NTRK1: variants seen among roughly 807,000 people sequenced by gnomAD.
The protein encoded by NTRK1 is high affinity nerve growth factor receptor.
NTRK1 carries 62 observed loss-of-function variants against 86.8 expected under a neutral mutation model. The ratio of observed to expected loss-of-function variants is 0.71; its 90% CI spans 0.58 to 0.88. The LOEUF (loss-of-function observed/expected upper bound fraction) is 0.88, where lower values mean the gene tolerates loss of function less well. Ranked by LOEUF, NTRK1 falls within the 40% of genes least tolerant of loss-of-function variation. NTRK1 has a pLI of 0.00. For synonymous variants in NTRK1, 469 were observed against 456.6 expected (o/e 1.03, Z -0.35); for missense variants, 967 against 1,078.4 (o/e 0.90, Z 1.45).
At position 156,876,538 on chromosome 1, in the gene NTRK1, T is replaced by A. The variant is rs1395241395; in HGVS notation, c.1771T>A (p.Tyr591Asn). The change falls in exon 14 of 17, where the codon TAT becomes AAT. Residue 591 changes from tyrosine to asparagine, a missense_variant. Tyr to Asn is a moderately radical substitution (Grantham distance 143). Coordinates refer to ENST00000524377, the MANE Select transcript of NTRK1 (RefSeq NM_002529.4). ...CCGCCCCCTGCTCATGGTCTTTGAG[T>A]ATATGCGGCACGGGGACCTCAACCG... ...EGRPLLMVFE[Y>N]MRHGDLNRFL... 2 of 1,613,260 alleles carry A rather than the reference T, an allele frequency of 1.2e-6. No homozygotes were observed. Among genetic ancestry groups the A allele is most frequent in the Non-Finnish European group, 1.7e-6 (2 of 1,179,946 alleles).
intron 2 of NTRK1, chr1:156,843,568 G>T: frequency 7.3e-7 from 1 of 1,368,796 alleles, no homozygotes; most frequent in South Asian, 1.2e-5. Context: ...ATTTCAAGGA[G>T]GAGGGAAGTT....
In NTRK1 at chr1:156,866,322, C is replaced by T. The variant is rs562582035; in HGVS notation, c.360-588C>T. Reference sequence around the variant, plus strand: ...ATCATTTTCCTGTGTGGCCTGGAGCCGGGCCCCTGCTGGGCTCACTTTTTC... The same window carrying T: ...ATCATTTTCCTGTGTGGCCTGGAGCTGGGCCCCTGCTGGGCTCACTTTTTC... On this transcript the variant is annotated intron_variant, in intron 3 of 16. Coordinates refer to ENST00000524377, the MANE Select transcript of NTRK1 (RefSeq NM_002529.4). 2.7e-4 allele frequency among the ~76,000 whole-genome samples: 41 copies of T among 152,310 alleles called. 2 individuals carry two copies. The Middle Eastern group carries it at 0.01, about 38-fold the overall frequency.
intron 1 of NTRK1, among the ~76,000 whole-genome samples, chr1:156,820,799 TG>T (rs1313891315): frequency 3.9e-5 from 6 of 152,202 alleles, no homozygotes; most frequent in Admixed American, 3.3e-4. Context: ...ATTTTAGGAT[TG>T]TTTTTTATAG....
intron 7 of NTRK1, 29 bp downstream of exon 7, chr1:156,871,784 AC>A (rs2102900546): frequency 6.2e-7 from 1 of 1,613,028 alleles, no homozygotes; most frequent in Non-Finnish European, 8.5e-7. Context: ...TCCGGCACCC[AC>A]CCCCTACTCA....
chr1:156,864,342 C>T lies in NTRK1; in HGVS notation c.213-12C>T. 6.2e-7 allele frequency: 1 copy of T among 1,614,078 alleles called. No homozygotes were observed. Among genetic ancestry groups the T allele is most frequent in the Non-Finnish European group, 8.5e-7 (1 of 1,179,960 alleles). On this transcript the variant is annotated splice_polypyrimidine_tract_variant and intron_variant, in intron 1 of 16. Transcript: ENST00000524377. Reference sequence around the variant, plus strand: ...GCCTGAGCCCTGTGACTCCCATCCGCTCTCCCCACAGCTACATCGAGAACC... The same window carrying T: ...GCCTGAGCCCTGTGACTCCCATCCGTTCTCCCCACAGCTACATCGAGAACC...
intron 1 of NTRK1, 22 bp downstream of exon 1, chr1:156,861,168 G>A (rs1464570322): frequency 2.6e-6 from 4 of 1,539,670 alleles, no homozygotes; most frequent in Non-Finnish European, 3.5e-6. Flanking sequence ...GCGGGCGGTG[G>A]GGGGGCGCGG....
chr1:156,816,631 T>C (rs1265235881), intron 1 of NTRK1: 2 of 1,580,760 alleles, frequency 1.3e-6, no homozygotes, highest in South Asian at 1.1e-5. Context: ...GGGATGGGGG[T>C]CTTTGTGCCC....
chr1:156,860,731 A>C, upstream of NTRK1: 1 of 945,276 alleles, frequency 1.1e-6, no homozygotes, highest in Non-Finnish European at 1.4e-6. Context: ...CTAACAGGGG[A>C]GGGGGCAGAG....
At chr1:156,861,390 C>G (rs1014008107) in intron 1 of NTRK1, among the ~76,000 whole-genome samples, 1 of 151,766 alleles carries the variant, frequency 6.6e-6, no homozygotes, top group Non-Finnish European at 1.5e-5. Context: ...TCAGGGAGAT[C>G]GAAGGGGGAA....
At chr1:156,853,117 G>T (rs1425728974) in intron 2 of NTRK1, among the ~76,000 whole-genome samples, 2 of 151,882 alleles carry the variant, frequency 1.3e-5, no homozygotes, top group Non-Finnish European at 2.9e-5. Flanking sequence ...TCATCCTAAA[G>T]GTCCCACCTT....
At chr1:156,817,532 G>T (rs1169517617) in intron 1 of NTRK1, among the ~76,000 whole-genome samples, 3 of 151,988 alleles carry the variant, frequency 2.0e-5, no homozygotes, top group Non-Finnish European at 4.4e-5. Flanking sequence ...GCTGAGTTAG[G>T]GCAAAACCAG....
At position 156,876,684 on chromosome 1, in the gene NTRK1, G is replaced by C; in HGVS notation, c.1805+112G>C. On this transcript the variant is annotated intron_variant, in intron 14 of 16. Coordinates refer to ENST00000524377, the MANE Select transcript of NTRK1 (RefSeq NM_002529.4). The stretch of plus-strand genomic sequence containing the variant: ...CAAACCAAGGGGAGACACCAAGAAA[G>C]ATCAGGAAGGCACATTCCCGTCCCC... The C allele has an allele frequency of 4.5e-6, 6 of 1,336,266 alleles. No individual in the cohort carries two copies. In the South Asian group the frequency reaches 5.0e-5, roughly 11 times the overall value. 82.8% of individuals were successfully genotyped at this position (1,336,266 alleles called of 1,614,324 possible). A position where few individuals can be genotyped will look rare whatever the true frequency, so the allele number is the denominator to read the frequency against.
chr1:156,867,412 G>T (rs1655988260), intron 4 of NTRK1, among the ~76,000 whole-genome samples: 2 of 152,204 alleles, frequency 1.3e-5, no homozygotes, highest in African/African-American at 2.4e-5. Flanking sequence ...TCATCCTGGG[G>T]AGCCTGGGGT....
intron 1 of NTRK1, among the ~76,000 whole-genome samples, chr1:156,817,633 T>C (rs2102828974): frequency 6.7e-6 from 1 of 149,094 alleles, no homozygotes; most frequent in African/African-American, 2.5e-5. Context: ...ATAACATCAG[T>C]GTTGACATCT....
At chr1:156,868,369 G>A in intron 5 of NTRK1, 120 bp downstream of exon 5, 1 of 1,535,816 alleles carries the variant, frequency 6.5e-7, no homozygotes, top group Non-Finnish European at 8.8e-7. Flanking sequence ...CAAAGGCTGG[G>A]GGAAACTGCC....
chr1:156,863,208 T>A (rs1460930027), intron 1 of NTRK1, among the ~76,000 whole-genome samples: 1 of 152,148 alleles, frequency 6.6e-6, no homozygotes, highest in African/African-American at 2.4e-5. Context: ...CTACTCATTC[T>A]TCTTTCTTTC....
chr1:156,830,163 T>A (rs1654432012), intron 1 of NTRK1, among the ~76,000 whole-genome samples: 3 of 152,254 alleles, frequency 2.0e-5, no homozygotes, highest in Non-Finnish European at 2.9e-5. Flanking sequence ...AAACCGTGCT[T>A]ACCACTTTGA....
intron 2 of NTRK1, among the ~76,000 whole-genome samples, chr1:156,855,181 T>TATCTATCTATCTATCTATC (rs1558092421): frequency 4.7e-5 from 7 of 149,882 alleles, no homozygotes; most frequent in Non-Finnish European, 1.0e-4. Context: ...CAATTTTATC[T>TATCTATCTATCTATCTATC]ATCTATCTAT....
intron 1 of NTRK1, among the ~76,000 whole-genome samples, chr1:156,838,357 C>T (rs1289907228): frequency 6.6e-6 from 1 of 151,092 alleles, no homozygotes; most frequent in African/African-American, 2.4e-5. Flanking sequence ...CACCTGTCTT[C>T]TCCCAGCCAG....
Sources: gnomAD v4.1 joint callset for allele counts (sites outside exome capture counted in the v4.1 genomes callset) on GRCh38, gnomAD v4.1.1 for gene constraint, MANE v1.5 for transcripts, NCBI Gene and HGNC (gene_info 2026-07-23, HGNC 2026-07-21) for gene names.